Variants in ANGPT1 observed in about 807,000 individuals in gnomAD.
The protein encoded by ANGPT1 is angiopoietin-1.
ANGPT1 carries 17 observed loss-of-function variants against 62.2 expected under a neutral mutation model. That is an observed-to-expected ratio of 0.27 (90% CI 0.19 to 0.41). ANGPT1 has a LOEUF of 0.41. Ranked by LOEUF, ANGPT1 falls within the 10% of genes least tolerant of loss-of-function variation. The pLI, the probability that ANGPT1 is intolerant of heterozygous loss-of-function variation, is 1.00. For missense variants in ANGPT1, 478 were observed against 594.9 expected, an observed-to-expected ratio of 0.80 and a Z score of 2.04; for synonymous variants, 199 against 198.9, an observed-to-expected ratio of 1.00 and a Z score of 0.00.
At chr8:107,315,885 C>G (rs1157779172) in intron 4 of ANGPT1, among the ~76,000 whole-genome samples, 1 of 152,164 alleles carries the variant, frequency 6.6e-6, no homozygotes, top group East Asian at 1.9e-4. Flanking sequence ...TTTATATGCA[C>G]TTTCTATGAT....
chr8:107,428,256 G>A (rs1811087544), intron 1 of ANGPT1, among the ~76,000 whole-genome samples: 1 of 152,144 alleles, frequency 6.6e-6, no homozygotes, highest in African/African-American at 2.4e-5. Context: ...CCACATCTCA[G>A]TATACATGAA....
At position 107,303,379 on chromosome 8, in the gene ANGPT1, A is replaced by AT; in HGVS notation, c.809-13_809-12insA. 1 of 1,585,810 alleles carries AT rather than the reference A, an allele frequency of 6.3e-7. No individual in the cohort carries two copies. On this transcript the variant is annotated splice_polypyrimidine_tract_variant and intron_variant, in intron 4 of 8. Transcript: ENST00000517746. ...TCCCTTTAGTAAAACTGCAAAAAAA[A>AT]AAAAAAAGATTGCAATATGTGAATA... is the stretch of plus-strand genomic sequence containing the variant.
At chr8:107,258,758 A>G (rs536417787) in intron 8 of ANGPT1, among the ~76,000 whole-genome samples, 1 of 152,240 alleles carries the variant, frequency 6.6e-6, no homozygotes, top group East Asian at 1.9e-4. Flanking sequence ...GTTATTCTTA[A>G]GTTAGTTTCA....
chr8:107,380,209 A>G (rs1371873784), intron 1 of ANGPT1, among the ~76,000 whole-genome samples: 2 of 152,118 alleles, frequency 1.3e-5, no homozygotes, highest in South Asian at 2.1e-4. Context: ...TCTAAAGTTT[A>G]TTACACACAT....
chr8:107,360,774 T>C (rs528970815), intron 1 of ANGPT1, among the ~76,000 whole-genome samples: 1 of 152,268 alleles, frequency 6.6e-6, no homozygotes, highest in Admixed American at 6.5e-5. Flanking sequence ...AAAGTCTTCA[T>C]ATACTTGTTG....
At chr8:107,455,636 A>G (rs1159751812) in intron 1 of ANGPT1, among the ~76,000 whole-genome samples, 1 of 152,062 alleles carries the variant, frequency 6.6e-6, no homozygotes, top group Non-Finnish European at 1.5e-5. Context: ...AGACTTTATT[A>G]ACAAAAAAAT....
chr8:107,477,043 A>G (rs1345990528), intron 1 of ANGPT1, among the ~76,000 whole-genome samples: 1 of 152,118 alleles, frequency 6.6e-6, no homozygotes, highest in African/African-American at 2.4e-5. Context: ...TAATGCAACC[A>G]CAGAATCCAA....
intron 7 of ANGPT1, among the ~76,000 whole-genome samples, chr8:107,272,217 T>A (rs751265606): frequency 5.3e-5 from 8 of 152,038 alleles, no homozygotes; most frequent in Non-Finnish European, 1.0e-4. Context: ...TGAAAAATGT[T>A]TGAGATAGTA....
At chr8:107,416,417 T>C (rs1810745242) in intron 1 of ANGPT1, among the ~76,000 whole-genome samples, 1 of 152,224 alleles carries the variant, frequency 6.6e-6, no homozygotes, top group African/African-American at 2.4e-5. Flanking sequence ...GAATGAGGTC[T>C]GGAAGGGTCC....
intron 1 of ANGPT1, among the ~76,000 whole-genome samples, chr8:107,414,971 G>T (rs1000175725): frequency 6.6e-6 from 1 of 152,130 alleles, no homozygotes; most frequent in Admixed American, 6.6e-5. Context: ...ACACAAAACA[G>T]ATAATTACAG....
intron 4 of ANGPT1, among the ~76,000 whole-genome samples, chr8:107,306,972 C>T (rs564641502): frequency 7.9e-5 from 12 of 151,946 alleles, no homozygotes; most frequent in Admixed American, 1.3e-4. Flanking sequence ...GGGAACCTTC[C>T]GGAGACCTGA....
At chr8:107,407,969 CT>C (rs2130348174) in intron 1 of ANGPT1, among the ~76,000 whole-genome samples, 1 of 152,290 alleles carries the variant, frequency 6.6e-6, no homozygotes, top group East Asian at 1.9e-4. Flanking sequence ...TGCAGCCTCT[CT>C]TTTATTTATT....
chr8:107,361,038 A>G (rs1332544205), intron 1 of ANGPT1, among the ~76,000 whole-genome samples: 1 of 152,170 alleles, frequency 6.6e-6, no homozygotes, highest in Admixed American at 6.6e-5. Flanking sequence ...ACCAAAACAG[A>G]GACATCATCT....
At chr8:107,484,869 A>C (rs1251629095) in intron 1 of ANGPT1, among the ~76,000 whole-genome samples, 2 of 152,202 alleles carry the variant, frequency 1.3e-5, no homozygotes, top group African/African-American at 4.8e-5. Context: ...CAAGCTGTAC[A>C]ACTAAACATG....
rs71308720 is a variant in ANGPT1 at position 107,313,429 on chromosome 8, G to GTTTTTTT, written c.808+8460_808+8466dup. Among the ~76,000 whole-genome samples, 246 of 64,200 alleles carry GTTTTTTT rather than the reference G, an allele frequency of 3.8e-3. 44 individuals are homozygous for GTTTTTTT. The highest frequency in any genetic ancestry group is 4.9e-3 in the Non-Finnish European group (183 of 37,338). The allele number at this position is 64,200 out of a possible 152,430, so 42.1% of individuals were successfully genotyped here. On this transcript the variant is annotated intron_variant, in intron 4 of 8. Transcript: ENST00000517746. ...TAGGAAGCTAAAAATGTTACTAGTT[G>GTTTTTTT]TTTTTTTTTTTTTTTTTTTTTTTTT...
intron 1 of ANGPT1, among the ~76,000 whole-genome samples, chr8:107,439,321 G>T (rs59014820): frequency 0.23 from 35,422 of 152,106 alleles, 4,461 homozygotes; most frequent in East Asian, 0.57. Context: ...TCTGTAAAAC[G>T]GAGATAATAA....
intron 7 of ANGPT1, among the ~76,000 whole-genome samples, chr8:107,280,180 G>A (rs1436804270): frequency 6.6e-6 from 1 of 151,930 alleles, no homozygotes; most frequent in Non-Finnish European, 1.5e-5. Context: ...AGTAATCTTG[G>A]GTGATGTTAC....
chr8:107,393,301 G>A (rs1051528178), intron 1 of ANGPT1, among the ~76,000 whole-genome samples: 12 of 152,104 alleles, frequency 7.9e-5, no homozygotes, highest in Admixed American at 5.9e-4. Flanking sequence ...GAGGGGGAGA[G>A]GGGACTGACT....
At chr8:107,349,122 T>TTAGATAGA (rs142050677) in intron 1 of ANGPT1, among the ~76,000 whole-genome samples, 44,796 of 143,610 alleles carry the variant, frequency 0.31, 7,134 homozygotes, top group South Asian at 0.36. Context: ...GATAAGGAGA[T>TTAGATAGA]TAGATAGATA....
Sources: allele counts gnomAD v4.1 joint callset (sites outside exome capture counted in the v4.1 genomes callset), GRCh38; gene constraint gnomAD v4.1.1; transcripts MANE v1.5; gene names NCBI Gene and HGNC (gene_info 2026-07-23, HGNC 2026-07-21).